The following STX11 variants were observed in gnomAD, a reference collection of about 807,000 sequenced individuals.
STX11 encodes syntaxin-11.
STX11 carries 21 observed loss-of-function variants against 19.9 expected under a neutral mutation model. That is an observed-to-expected ratio of 1.06 (90% CI 0.75 to 1.52). STX11 has a LOEUF of 1.52. Among genes scored for constraint, STX11 ranks in the 40% most tolerant of loss-of-function variants. The pLI, the probability that STX11 is intolerant of heterozygous loss-of-function variation, is 0.00. For missense variants in STX11, 438 were observed against 405.9 expected (o/e 1.08, Z -0.68); for synonymous variants, 193 against 174.4 (o/e 1.11, Z -0.84).
intron 1 of STX11, 131 bp downstream of exon 1, chr6:144,150,834 G>A (rs1800987236): frequency 1.4e-6 from 1 of 714,678 alleles, no homozygotes; most frequent in Non-Finnish European, 1.7e-6. Flanking sequence ...CCTTAGGTGG[G>A]ATTTTGGATC....
chr6:144,149,451 C>A (rs1327004548), upstream of STX11, among the ~76,000 whole-genome samples: 1 of 152,108 alleles, frequency 6.6e-6, no homozygotes, highest in Non-Finnish European at 1.5e-5. The surrounding 1 kb of genome is among the most constrained non-coding windows in gnomAD (Gnocchi z 5.1). Context: ...GCCATCAAGG[C>A]AGGATTCGTT....
At position 144,188,254 on chromosome 6, in the gene STX11, A is replaced by G. The variant is rs527964901; in HGVS notation, c.*763A>G. 1.8e-4 allele frequency: 42 copies of G among 233,476 alleles called. No homozygotes were observed. Among genetic ancestry groups the G allele is most frequent in the African/African-American group, 9.2e-4 (41 of 44,712 alleles). 14.5% of individuals were successfully genotyped at this position (233,476 alleles called of 1,614,324 possible). Reference sequence around the variant, plus strand: ...TTAACATTTATATTTTTACTTGATTACATATGCACATGTATGTAAATGTAA... The same window carrying G: ...TTAACATTTATATTTTTACTTGATTGCATATGCACATGTATGTAAATGTAA... On this transcript the variant is annotated 3_prime_UTR_variant, in exon 2 of 2. Coordinates refer to ENST00000367568, the MANE Select transcript of STX11 (RefSeq NM_003764.4).
At chr6:144,141,896 C>T in the STX11 span, among the ~76,000 whole-genome samples, 2 of 151,936 alleles carry the variant, frequency 1.3e-5, no homozygotes, top group Non-Finnish European at 2.9e-5. Flanking sequence ...TGCCCAAGCT[C>T]ATTTTGAACT....
Position 144,175,929 on chromosome 6 carries a change from C to A in STX11, c.-5-10694C>A, listed in dbSNP as rs1801767230. Among the ~76,000 whole-genome samples the A allele has an allele frequency of 6.6e-6, 1 of 152,170 alleles. No individual in the cohort carries two copies. On this transcript the variant is annotated intron_variant, in intron 1 of 1. Transcript: ENST00000367568. The surrounding 1 kb of genome is among the most constrained non-coding windows in gnomAD (Gnocchi z 5.1). ...GGGACTGTGCATTCTGATCTTGAAG[C>A]CAGCATTAGCTGGATTTACCCTCCC...
At position 144,162,522 on chromosome 6, in the gene STX11, A is replaced by G. The variant is rs895894658; in HGVS notation, c.-6+11819A>G. ...ATCCAGAATGTGGAAGGCGTCTTCA[A>G]AAATGCAAATATGCTTTCTTGATGG... On this transcript the variant is annotated intron_variant, in intron 1 of 1. Coordinates refer to ENST00000367568, the MANE Select transcript of STX11 (RefSeq NM_003764.4). This position sits in a 1 kb window ranked among gnomAD's most constrained non-coding sequence, Gnocchi z 4.6. Among the ~76,000 whole-genome samples the G allele has an allele frequency of 1.2e-4, 18 of 152,358 alleles. No homozygotes were observed. The highest frequency in any genetic ancestry group is 4.3e-4 in the African/African-American group (18 of 41,582).
At chr6:144,179,065 A>G (rs911334161) in intron 1 of STX11, among the ~76,000 whole-genome samples, 2 of 152,178 alleles carry the variant, frequency 1.3e-5, no homozygotes, top group East Asian at 3.9e-4. Context: ...ACTTACAATC[A>G]TGGTGAGGCA....
chr6:144,142,136 T>C, the STX11 span, among the ~76,000 whole-genome samples: 1 of 151,596 alleles, frequency 6.6e-6, no homozygotes, highest in African/African-American at 2.4e-5. Flanking sequence ...CTCTCTTAAA[T>C]AGGGTTGAGT....
chr6:144,187,670 A>G lies in STX11; in HGVS notation c.*179A>G, dbSNP rs551983948. Reference sequence around the variant, plus strand: ...CCAGCCTGTGCTTGGAAAGATGGTTAGTTGATACCGTCCGATGATTCTTCA... The same window carrying G: ...CCAGCCTGTGCTTGGAAAGATGGTTGGTTGATACCGTCCGATGATTCTTCA... On this transcript the variant is annotated 3_prime_UTR_variant, in exon 2 of 2. Transcript: ENST00000367568. This position sits in a 1 kb window ranked among gnomAD's most constrained non-coding sequence, Gnocchi z 5.6. 1,970 of 777,934 alleles carry G rather than the reference A, an allele frequency of 2.5e-3. 13 individuals carry two copies. The highest frequency in any genetic ancestry group is 0.013 in the Middle Eastern group (34 of 2,676). 48.2% of individuals were successfully genotyped at this position (777,934 alleles called of 1,614,324 possible). A position where few individuals can be genotyped will look rare whatever the true frequency, so the allele number is the denominator to read the frequency against.
Position 144,176,236 on chromosome 6 carries a change from C to A in STX11, c.-5-10387C>A, listed in dbSNP as rs1032955157. 6.6e-6 allele frequency among the ~76,000 whole-genome samples: 1 copy of A among 152,170 alleles called. No homozygotes were observed. Among genetic ancestry groups the A allele is most frequent in the African/African-American group, 2.4e-5 (1 of 41,438 alleles). On this transcript the variant is annotated intron_variant, in intron 1 of 1. Transcript: ENST00000367568. This position sits in a 1 kb window ranked among gnomAD's most constrained non-coding sequence, Gnocchi z 4.1. ...CCCACACTAGCGCCTCCCACCCTAACTCCCCCAACAGCTTCAGTGCATGAT... is the reference window on the plus strand; with the variant it reads ...CCCACACTAGCGCCTCCCACCCTAAATCCCCCAACAGCTTCAGTGCATGAT...
the STX11 span, among the ~76,000 whole-genome samples, chr6:144,145,067 A>G: frequency 6.6e-6 from 1 of 152,330 alleles, no homozygotes; most frequent in South Asian, 2.1e-4. Context: ...CAAAAATGAA[A>G]GCAGGGACTC....
the STX11 span, among the ~76,000 whole-genome samples, chr6:144,140,011 T>C: frequency 6.6e-6 from 1 of 151,240 alleles, no homozygotes; most frequent in Non-Finnish European, 1.5e-5. Context: ...TGTTAGACCC[T>C]ACCAAAGATC....
Position 144,175,671 on chromosome 6 carries a change from A to G in STX11, c.-5-10952A>G, listed in dbSNP as rs1414171689. On this transcript the variant is annotated intron_variant, in intron 1 of 1. Transcript: ENST00000367568. The surrounding 1 kb of genome is among the most constrained non-coding windows in gnomAD (Gnocchi z 5.1). The stretch of plus-strand genomic sequence containing the variant: ...AATGAGCCTCTCTTTCCTCATCTTT[A>G]CAGTGAAGGCACTGTGCAAGCTAGT... Among the ~76,000 whole-genome samples, 3 of 152,292 alleles carry G rather than the reference A, an allele frequency of 2.0e-5. No individual in the cohort carries two copies. The East Asian group carries it at 5.8e-4, about 29-fold the overall frequency.
chr6:144,177,239 T>G lies in STX11; in HGVS notation c.-5-9384T>G, dbSNP rs1801798737. Among the ~76,000 whole-genome samples the G allele has an allele frequency of 6.6e-6, 1 of 152,228 alleles. No homozygotes were observed. Among genetic ancestry groups the G allele is most frequent in the African/African-American group, 2.4e-5 (1 of 41,462 alleles). ...ATATGTTTTCCAACTGGACTCAAAA[T>G]CTATTCCCCATCATTTTTTAAACAT... On this transcript the variant is annotated intron_variant, in intron 1 of 1. Transcript: ENST00000367568. This position sits in a 1 kb window ranked among gnomAD's most constrained non-coding sequence, Gnocchi z 4.4.
chr6:144,142,990 T>C, the STX11 span, among the ~76,000 whole-genome samples: 2 of 152,332 alleles, frequency 1.3e-5, no homozygotes, highest in East Asian at 3.9e-4. Context: ...ACACATTCTA[T>C]GCATGCAACA....
Position 144,188,341 on chromosome 6 carries a change from G to C in STX11, c.*850G>C, listed in dbSNP as rs1054603253. The C allele has an allele frequency of 2.2e-5, 5 of 229,188 alleles. No homozygotes were observed. Among genetic ancestry groups the C allele is most frequent in the African/African-American group, 1.1e-4 (5 of 44,230 alleles). The allele number at this position is 229,188 out of a possible 1,614,324, so 14.2% of individuals were successfully genotyped here. ...AATTGGTTTAACTTCTTTTATGTAA[G>C]TATGGTATATAAATTTCAAGACGAA... On this transcript the variant is annotated 3_prime_UTR_variant, in exon 2 of 2. Transcript: ENST00000367568.
the STX11 span, among the ~76,000 whole-genome samples, chr6:144,140,984 T>C: frequency 2.1e-4 from 32 of 152,368 alleles, no homozygotes; most frequent in African/African-American, 7.5e-4. Flanking sequence ...AACTAATATC[T>C]GTAAAAGGCA....
chr6:144,164,572 A>G (rs1801428800), intron 1 of STX11, among the ~76,000 whole-genome samples: 1 of 152,248 alleles, frequency 6.6e-6, no homozygotes, highest in Non-Finnish European at 1.5e-5. Flanking sequence ...AACATGCAGC[A>G]TCTCTTTTAT....
the STX11 span, among the ~76,000 whole-genome samples, chr6:144,142,800 A>G: frequency 2.0e-5 from 3 of 152,222 alleles, no homozygotes; most frequent in East Asian, 1.9e-4. Context: ...CGGTTGGATA[A>G]AAGAAGTAAG....
rs1801603977 is a variant in STX11 at position 144,170,623 on chromosome 6, G to A, written c.-5-16000G>A. The stretch of plus-strand genomic sequence containing the variant: ...TATTATTATATTTTACAAAGAGCAT[G>A]GGTTGCTTTCATAATCAGAAGGAGA... On this transcript the variant is annotated intron_variant, in intron 1 of 1. Coordinates refer to ENST00000367568, the MANE Select transcript of STX11 (RefSeq NM_003764.4). The surrounding 1 kb of genome is among the most constrained non-coding windows in gnomAD (Gnocchi z 4.7). Among the ~76,000 whole-genome samples the A allele has an allele frequency of 6.6e-6, 1 of 152,068 alleles. No individual in the cohort carries two copies. The highest frequency in any genetic ancestry group is 1.9e-4 in the East Asian group (1 of 5,192).
Sources: allele counts gnomAD v4.1 joint callset (sites outside exome capture counted in the v4.1 genomes callset), GRCh38; gene constraint gnomAD v4.1.1; non-coding constraint Gnocchi (gnomAD v3.1); transcripts MANE v1.5; gene names NCBI Gene and HGNC (gene_info 2026-07-23, HGNC 2026-07-21).